UNC79: variants seen among roughly 807,000 people sequenced by gnomAD.
UNC79 encodes protein unc-79 homolog.
In UNC79, 37 loss-of-function variants were observed where a neutral mutation model predicts 283.1. That is an observed-to-expected ratio of 0.13 (90% CI 0.10 to 0.17). The LOEUF is 0.17. UNC79 is among the 10% of genes least tolerant of loss of function. UNC79 has a pLI of 1.00. For synonymous variants in UNC79, 1,107 were observed against 1,200.2 expected, an observed-to-expected ratio of 0.92 and a Z score of 1.61; for missense variants, 2,272 against 3,211.1, an observed-to-expected ratio of 0.71 and a Z score of 7.07.
chr14:93,412,141 A>G (rs996764029), intron 1 of UNC79, among the ~76,000 whole-genome samples: 2 of 152,230 alleles, frequency 1.3e-5, no homozygotes, highest in African/African-American at 4.8e-5. Flanking sequence ...TGCAATTGAC[A>G]TACTGAAGAA....
chr14:93,447,743 T>A (rs1181584975), intron 1 of UNC79, among the ~76,000 whole-genome samples: 1 of 152,186 alleles, frequency 6.6e-6, no homozygotes, highest in Non-Finnish European at 1.5e-5. Context: ...TGAATAATAT[T>A]TTTGCTGAAT....
chr14:93,347,873 T>C (rs2053895856), intron 1 of UNC79, among the ~76,000 whole-genome samples: 2 of 151,990 alleles, frequency 1.3e-5, no homozygotes, highest in Non-Finnish European at 2.9e-5. Context: ...AGGTGATCCA[T>C]GAATCGATTT....
exon 31 of UNC79, chr14:93,630,902 A>G: frequency 1.2e-5 from 19 of 1,613,274 alleles, no homozygotes; most frequent in Non-Finnish European, 1.4e-5. Context: ...CCATTCCTCA[A>G]TATCAAGTAA....
intron 1 of UNC79, among the ~76,000 whole-genome samples, chr14:93,423,559 A>G (rs1454551846): frequency 6.6e-6 from 1 of 152,242 alleles, no homozygotes; most frequent in Non-Finnish European, 1.5e-5. Flanking sequence ...AGATAAATCC[A>G]TACATCTACA....
chr14:93,595,182 C>T (rs746600108), intron 23 of UNC79, among the ~76,000 whole-genome samples: 9 of 151,580 alleles, frequency 5.9e-5, no homozygotes, highest in Admixed American at 3.9e-4. Context: ...CTCTGCCTCC[C>T]GGGTTTAAGC....
At chr14:93,654,158 T>C (rs2070643855) in intron 37 of UNC79, 133 bp downstream of exon 40, 1 of 600,322 alleles carries the variant, frequency 1.7e-6, no homozygotes, top group African/African-American at 1.9e-5. Context: ...AATTTAAAAA[T>C]GAAATCTAAA....
intron 41 of UNC79, among the ~76,000 whole-genome samples, chr14:93,680,231 T>C (rs2073735685): frequency 6.6e-6 from 1 of 152,218 alleles, no homozygotes; most frequent in Non-Finnish European, 1.5e-5. Context: ...TACATTATGC[T>C]CTGCATTGCA....
intron 14 of UNC79, among the ~76,000 whole-genome samples, chr14:93,546,313 G>C (rs2061599658): frequency 6.6e-6 from 1 of 152,178 alleles, no homozygotes; most frequent in Non-Finnish European, 1.5e-5. Flanking sequence ...CCCAAAGCTA[G>C]TTTGGCAGTT....
intron 34 of UNC79, among the ~76,000 whole-genome samples, chr14:93,645,590 C>T (rs1483473604): frequency 6.6e-6 from 1 of 152,178 alleles, no homozygotes; most frequent in African/African-American, 2.4e-5. Context: ...GGGGACCATT[C>T]CCAGCAATTC....
At chr14:93,357,966 C>CAT (rs1254872230) in intron 1 of UNC79, among the ~76,000 whole-genome samples, 3 of 101,398 alleles carry the variant, frequency 3.0e-5, no homozygotes, top group Admixed American at 2.1e-4. Flanking sequence ...TATATATATC[C>CAT]ATATATATAG....
chr14:93,446,126 A>C (rs993423558), intron 1 of UNC79, among the ~76,000 whole-genome samples: 3 of 151,936 alleles, frequency 2.0e-5, no homozygotes, highest in African/African-American at 7.2e-5. Flanking sequence ...ATTTTTGTAC[A>C]TAATTATTTA....
intron 14 of UNC79, among the ~76,000 whole-genome samples, chr14:93,556,448 A>T (rs1000020735): frequency 6.6e-6 from 1 of 152,220 alleles, no homozygotes; most frequent in Non-Finnish European, 1.5e-5. Flanking sequence ...AGATCAGGTA[A>T]CATAATGCAA....
At chr14:93,386,841 A>G (rs72710305) in intron 1 of UNC79, among the ~76,000 whole-genome samples, 4,903 of 135,142 alleles carry the variant, frequency 0.036, 175 homozygotes, top group Admixed American at 0.12. Flanking sequence ...AAGGTTTGTC[A>G]CTCTTGTTTA....
chr14:93,565,114 C>G (rs939123712), intron 14 of UNC79, among the ~76,000 whole-genome samples: 5 of 152,336 alleles, frequency 3.3e-5, no homozygotes, highest in African/African-American at 1.2e-4. Context: ...ACATCTGGTA[C>G]AGTTACAGCA....
intron 41 of UNC79, among the ~76,000 whole-genome samples, chr14:93,677,466 T>C (rs1227925523): frequency 6.6e-6 from 1 of 152,112 alleles, no homozygotes; most frequent in Non-Finnish European, 1.5e-5. Context: ...TATAAAACCA[T>C]CAGATCTTGT....
intron 47 of UNC79, among the ~76,000 whole-genome samples, chr14:93,698,568 C>T (rs2141020890): frequency 6.7e-6 from 1 of 148,862 alleles, no homozygotes; most frequent in African/African-American, 2.5e-5. Flanking sequence ...TCGCCACAAC[C>T]TCTGCCTCCC....
chr14:93,614,502 A>G (rs2066548718), intron 27 of UNC79, among the ~76,000 whole-genome samples: 1 of 151,926 alleles, frequency 6.6e-6, no homozygotes, highest in African/African-American at 2.4e-5. Context: ...TATTTTTAGT[A>G]GAGACGAGGT....
intron 1 of UNC79, among the ~76,000 whole-genome samples, chr14:93,382,177 T>G (rs137999210): frequency 6.6e-6 from 1 of 152,318 alleles, no homozygotes; most frequent in East Asian, 1.9e-4. Flanking sequence ...GGGAGATTTA[T>G]TACTGGCCAA....
At chr14:93,399,807 A>C (rs574396684) in intron 1 of UNC79, among the ~76,000 whole-genome samples, 1 of 152,294 alleles carries the variant, frequency 6.6e-6, no homozygotes, top group East Asian at 1.9e-4. Flanking sequence ...TTGCATTGCC[A>C]ATCTCCTATG....
Sources: allele counts gnomAD v4.1 joint callset (sites outside exome capture counted in the v4.1 genomes callset), GRCh38; gene constraint gnomAD v4.1.1; transcripts MANE v1.5; gene names NCBI Gene and HGNC (gene_info 2026-07-23, HGNC 2026-07-21).